BTBD9: variants seen among roughly 807,000 people sequenced by gnomAD.
BTBD9 encodes BTB/POZ domain-containing protein 9.
In BTBD9, 49 loss-of-function variants were observed where a neutral mutation model predicts 64.3. The observed-to-expected ratio is 0.76, with a 90% CI of 0.61 to 0.97. The LOEUF (loss-of-function observed/expected upper bound fraction) is 0.97. Among genes scored for constraint, BTBD9 ranks in the 50% least tolerant of loss-of-function variants. The pLI is 0.00. For synonymous variants in BTBD9, 260 were observed against 274.7 expected (o/e 0.95, Z 0.53); for missense variants, 598 against 762.1 (o/e 0.78, Z 2.53).
intron 6 of BTBD9, among the ~76,000 whole-genome samples, chr6:38,531,598 A>G (rs992733090): frequency 6.6e-6 from 1 of 152,242 alleles, no homozygotes; most frequent in African/African-American, 2.4e-5. Flanking sequence ...AAGTAGACAG[A>G]CTAAAAGATG....
chr6:38,310,465 T>G (rs1241362628), intron 7 of BTBD9, among the ~76,000 whole-genome samples: 1 of 152,078 alleles, frequency 6.6e-6, no homozygotes, highest in Non-Finnish European at 1.5e-5. Context: ...TATACTATGT[T>G]CTGGGGGCCA....
chr6:38,330,036 T>C (rs1426213070), intron 7 of BTBD9, among the ~76,000 whole-genome samples: 1 of 149,236 alleles, frequency 6.7e-6, no homozygotes, highest in Non-Finnish European at 1.5e-5. Flanking sequence ...ATGGTACATG[T>C]TTCCTTTTTT....
intron 6 of BTBD9, among the ~76,000 whole-genome samples, chr6:38,449,626 T>G (rs1414260719): frequency 1.3e-5 from 2 of 152,118 alleles, no homozygotes; most frequent in African/African-American, 4.8e-5. Context: ...TAAACTCAGC[T>G]GGATGCAGTG....
At chr6:38,296,951 T>G (rs986083144) in intron 7 of BTBD9, among the ~76,000 whole-genome samples, 1 of 152,206 alleles carries the variant, frequency 6.6e-6, no homozygotes, top group African/African-American at 2.4e-5. Flanking sequence ...TATGTGTGCC[T>G]CAAAAGAATG....
intron 10 of BTBD9, among the ~76,000 whole-genome samples, chr6:38,186,447 C>A (rs1209062333): frequency 6.6e-6 from 1 of 152,184 alleles, no homozygotes; most frequent in Non-Finnish European, 1.5e-5. Flanking sequence ...TTAAGAAAAT[C>A]CTCCATATGA....
At chr6:38,341,014 A>G (rs1349116877) in intron 7 of BTBD9, among the ~76,000 whole-genome samples, 3 of 152,226 alleles carry the variant, frequency 2.0e-5, no homozygotes, top group Admixed American at 2.0e-4. Context: ...CAAAATCCAG[A>G]CTGGTAGACA....
Position 38,276,162 on chromosome 6 carries a change from T to C in BTBD9, c.1454+12110A>G, listed in dbSNP as rs537246178. On this transcript the variant is annotated intron_variant, in intron 8 of 10. Transcript: ENST00000481247. ...GGCACATATCCACCATGGAAAACTA[T>C]GCAGCCATAAAAAATGATGAGTTCA... Among the ~76,000 whole-genome samples the C allele has an allele frequency of 1.5e-3, 227 of 152,246 alleles. 1 individual carries two copies. Among genetic ancestry groups the C allele is most frequent in the African/African-American group, 4.8e-3 (201 of 41,560 alleles).
intron 6 of BTBD9, among the ~76,000 whole-genome samples, chr6:38,488,446 G>A (rs943604959): frequency 6.6e-6 from 1 of 152,268 alleles, no homozygotes; most frequent in East Asian, 1.9e-4. Flanking sequence ...AGAAACTATG[G>A]ACCAACGTTC....
Position 38,423,536 on chromosome 6 carries a change from C to A in BTBD9, c.1155-78443G>T, listed in dbSNP as rs1042526916. ...CCCAGGGTGGTCTCAAACTCATGGG[C>A]TCAAGCAATCCTCTGCCTCGGGCTC... On this transcript the variant is annotated intron_variant, in intron 6 of 10. Transcript: ENST00000481247. Among the ~76,000 whole-genome samples, 10 of 152,178 alleles carry A rather than the reference C, an allele frequency of 6.6e-5. No individual in the cohort carries two copies. In the East Asian group the frequency reaches 1.9e-3, roughly 29 times the overall value.
chr6:38,194,019 C>T (rs1360142324), intron 9 of BTBD9, among the ~76,000 whole-genome samples: 1 of 152,248 alleles, frequency 6.6e-6, no homozygotes, highest in African/African-American at 2.4e-5. Context: ...CTTATTCACA[C>T]ATGAAGGTGA....
intron 6 of BTBD9, among the ~76,000 whole-genome samples, chr6:38,432,187 T>TA (rs1452965374): frequency 1.3e-5 from 2 of 152,070 alleles, no homozygotes; most frequent in East Asian, 3.9e-4. Context: ...TATGATGTGG[T>TA]AAAAAAGCCC....
In BTBD9 at chr6:38,288,190, T is replaced by C. The variant is rs74514798; in HGVS notation, c.1454+82A>G. Reference sequence around the variant, plus strand: ...CAGTAGAATTTCTTCACTGAAGTTATTAGGATTATCATTTTACCAAAATAC... The same window carrying C: ...CAGTAGAATTTCTTCACTGAAGTTACTAGGATTATCATTTTACCAAAATAC... On this transcript the variant is annotated intron_variant, in intron 8 of 10. Transcript: ENST00000481247. 1.4e-3 allele frequency: 1,901 copies of C among 1,372,922 alleles called. 17 individuals carry two copies. The African/African-American group carries it at 0.023, about 17-fold the overall frequency. 85.0% of individuals were successfully genotyped at this position (1,372,922 alleles called of 1,614,324 possible). A position where few individuals can be genotyped will look rare whatever the true frequency, so the allele number is the denominator to read the frequency against.
At chr6:38,262,163 CT>C (rs1479361110) in intron 8 of BTBD9, among the ~76,000 whole-genome samples, 1 of 152,216 alleles carries the variant, frequency 6.6e-6, no homozygotes, top group Non-Finnish European at 1.5e-5. Flanking sequence ...TGTAAACTAG[CT>C]GGGAATGTTT....
Position 38,288,438 on chromosome 6 carries a change from T to C in BTBD9, c.1288A>G (p.Ile430Val), listed in dbSNP as rs778650404. The change falls in exon 8 of 11, where the codon ATT becomes GTT. Residue 430 changes from isoleucine (I) to valine (V), a missense_variant. Transcript: ENST00000481247. Reference protein sequence around the residue: ...LIVPMENVATIADCASVIEGV... With the variant: ...LIVPMENVATVADCASVIEGV... ...TCAATCACACTGGCACAATCAGCAA[T>C]TGTTGCAACATTCTCCATGGGAACT... 2.7e-5 allele frequency: 44 copies of C among 1,613,794 alleles called. No individual in the cohort carries two copies. In the East Asian group the frequency reaches 8.7e-4, roughly 32 times the overall value.
At chr6:38,485,205 A>G (rs1250880275) in intron 6 of BTBD9, among the ~76,000 whole-genome samples, 2 of 152,172 alleles carry the variant, frequency 1.3e-5, no homozygotes, top group Non-Finnish European at 2.9e-5. Context: ...CAACTCCTCA[A>G]CCATTAAAGT....
chr6:38,460,633 T>C (rs1317088674), intron 6 of BTBD9, among the ~76,000 whole-genome samples: 1 of 152,218 alleles, frequency 6.6e-6, no homozygotes, highest in Non-Finnish European at 1.5e-5. Flanking sequence ...TTTTTGTTTT[T>C]GTTTTTTTGA....
intron 6 of BTBD9, among the ~76,000 whole-genome samples, chr6:38,552,787 TGCATG>T (rs2127449080): frequency 6.6e-6 from 1 of 151,486 alleles, no homozygotes; most frequent in African/African-American, 2.4e-5. Context: ...GCTGTATGGC[TGCATG>T]GTAAATATAG....
chr6:38,572,246 T>C (rs1775804004), intron 6 of BTBD9, among the ~76,000 whole-genome samples: 1 of 152,192 alleles, frequency 6.6e-6, no homozygotes, highest in South Asian at 2.1e-4. Context: ...TTCTTCAGTG[T>C]TGTGGCCTCA....
At chr6:38,584,439 G>T (rs575699458) in intron 4 of BTBD9, among the ~76,000 whole-genome samples, 1 of 152,300 alleles carries the variant, frequency 6.6e-6, no homozygotes. Flanking sequence ...GGTAGAGATT[G>T]CTAATTATTA....
Sources: gnomAD v4.1 joint callset for allele counts (sites outside exome capture counted in the v4.1 genomes callset) on GRCh38, gnomAD v4.1.1 for gene constraint, MANE v1.5 for transcripts, NCBI Gene and HGNC (gene_info 2026-07-23, HGNC 2026-07-21) for gene names.